GNS: variants seen among roughly 807,000 people sequenced by gnomAD.
The protein encoded by GNS is glucosamine (N-acetyl)-6-sulfatase, also known as N-acetylglucosamine-6-sulfatase.
Under a neutral mutation model 69.7 loss-of-function variants are expected in GNS, and 40 were observed. The observed-to-expected ratio is 0.57, with a 90% CI of 0.45 to 0.75. The LOEUF (loss-of-function observed/expected upper bound fraction) is 0.75. Among genes scored for constraint, GNS ranks in the 30% least tolerant of loss-of-function variants. The pLI, the probability that GNS is intolerant of heterozygous loss-of-function variation, is 0.00. For missense variants in GNS, 565 were observed against 685.5 expected (o/e 0.82, Z 1.96); for synonymous variants, 243 against 251.6 (o/e 0.97, Z 0.32).
chr12:64,744,323 C>T (rs1293325147), intron 5 of GNS, among the ~76,000 whole-genome samples: 1 of 152,174 alleles, frequency 6.6e-6, no homozygotes. Context: ...ATATATAATA[C>T]TATTGAAGAC....
intron 11 of GNS, chr12:64,722,715 A>C (rs994567272): frequency 2.0e-4 from 77 of 384,712 alleles, no homozygotes; most frequent in Non-Finnish European, 3.6e-4. Context: ...AAAAAATGGT[A>C]CTGTTATTGG....
Position 64,716,502 on chromosome 12 carries a change from G to A in GNS, c.*239C>T, listed in dbSNP as rs1868861807. 1 of 570,968 alleles carries A rather than the reference G, an allele frequency of 1.8e-6. No individual in the cohort carries two copies. The highest frequency in any genetic ancestry group is 3.1e-5 in the East Asian group (1 of 32,188). 35.4% of individuals were successfully genotyped at this position (570,968 alleles called of 1,614,324 possible). On this transcript the variant is annotated 3_prime_UTR_variant, in exon 14 of 14. Transcript: ENST00000258145. ...CAGTGAGAACAAAGACCTCAGGAGT[G>A]TCCTTGTCAGCTAAAGGAAGAGACC...
rs149081532 is a variant in GNS, at chr12:64,739,228, T to C, written c.994+153A>G. On this transcript the variant is annotated intron_variant, in intron 8 of 13. Transcript: ENST00000258145. Reference sequence around the variant, plus strand: ...CTGGTTTCTCCACGTGGGTATGATGTGGTGCTCCAACTGGAGGGGTCCTGA... The same window carrying C: ...CTGGTTTCTCCACGTGGGTATGATGCGGTGCTCCAACTGGAGGGGTCCTGA... Among the ~76,000 whole-genome samples, 588 of 152,250 alleles carry C rather than the reference T, an allele frequency of 3.9e-3. 1 individual carries two copies. The highest frequency in any genetic ancestry group is 0.014 in the African/African-American group (564 of 41,554).
chr12:64,732,153 A>ATTTTTTTTTTTTTT lies in GNS; in HGVS notation c.1099-3097_1099-3096insAAAAAAAAAAAAAA, dbSNP rs1210247666. On this transcript the variant is annotated intron_variant, in intron 9 of 13. Coordinates refer to ENST00000258145, the MANE Select transcript of GNS (RefSeq NM_002076.4). ...AGGCACCTGCCACCACACCTGGCTA[A>ATTTTTTTTTTTTTT]TTTTTTTTTTTTGTTGTTTTTTTTT... Among the ~76,000 whole-genome samples the ATTTTTTTTTTTTTT allele has an allele frequency of 1.9e-3, 170 of 88,712 alleles. 43 individuals carry two copies. Among genetic ancestry groups the ATTTTTTTTTTTTTT allele is most frequent in the Non-Finnish European group, 2.8e-3 (134 of 48,518 alleles). 58.2% of individuals were successfully genotyped at this position (88,712 alleles called of 152,430 possible).
At chr12:64,755,526 C>T (rs1406156920) in intron 1 of GNS, among the ~76,000 whole-genome samples, 2 of 147,086 alleles carry the variant, frequency 1.4e-5, no homozygotes, top group Admixed American at 6.8e-5. Context: ...TGCAGTGGGC[C>T]GAGATCGCGC....
Position 64,759,111 on chromosome 12 carries a change from C to T in GNS, c.166G>A (p.Asp56Asn). 6.4e-7 allele frequency: 1 copy of T among 1,564,252 alleles called. No homozygotes were observed. The highest frequency in any genetic ancestry group is 8.7e-7 in the Non-Finnish European group (1 of 1,154,470). ...RPNVVLLLTD[D>N]QDEVLGGMTP... is the part of the protein sequence containing the mutation. ...ATGCCGCCGAGCACTTCGTCCTGGTCGTCCGTGAGGAGCAGCACCACGTTG... is the reference window on the plus strand; with the variant it reads ...ATGCCGCCGAGCACTTCGTCCTGGTTGTCCGTGAGGAGCAGCACCACGTTG... Residue 56 changes from aspartate to asparagine, a missense_variant, in exon 1 of 14, where the codon GAC becomes AAC. By Grantham distance (23) the Asp-to-Asn change is conservative (BLOSUM62 1). Around this residue, in one of 2 missense-constraint regions of GNS, gnomAD observed 181 missense variants for 174.4 expected, o/e 1.04. Coordinates refer to ENST00000258145, the MANE Select transcript of GNS (RefSeq NM_002076.4).
intron 6 of GNS, among the ~76,000 whole-genome samples, chr12:64,742,370 A>G (rs573312525): frequency 6.6e-6 from 1 of 152,344 alleles, no homozygotes; most frequent in African/African-American, 2.4e-5. Context: ...TGTATTTAAC[A>G]AGCACATGCC....
At chr12:64,737,134 A>C (rs1215054914) in intron 8 of GNS, 27 bp from the exon 9 acceptor site, 1 of 1,163,398 alleles carries the variant, frequency 8.6e-7, no homozygotes, top group Non-Finnish European at 1.3e-6. Flanking sequence ...CAATGTAAAG[A>C]TGGAGCCAAG....
At position 64,715,181 on chromosome 12, in the gene GNS, A is replaced by T. The variant is rs1218432235; in HGVS notation, c.*1560T>A. On this transcript the variant is annotated 3_prime_UTR_variant, in exon 14 of 14. Transcript: ENST00000258145. ...ACCAATTAGCCTTCTTGTGAGGACA[A>T]CATTAGAAATGGAACTGGTTTTTGA... The T allele has an allele frequency of 6.6e-6, 1 of 152,524 alleles. No homozygotes were observed. Among genetic ancestry groups the T allele is most frequent in the African/African-American group, 2.4e-5 (1 of 41,438 alleles). 9.4% of individuals were successfully genotyped at this position (152,524 alleles called of 1,614,324 possible). A position where few individuals can be genotyped will look rare whatever the true frequency, so the allele number is the denominator to read the frequency against.
chr12:64,752,788 A>G, intron 1 of GNS, 31 bp from the exon 2 acceptor site: 1 of 1,068,708 alleles, frequency 9.4e-7, no homozygotes, highest in South Asian at 1.3e-5. Flanking sequence ...CCATTAAACA[A>G]TTTCTTCCAA....
At chr12:64,721,199 C>T (rs978707960) in intron 12 of GNS, among the ~76,000 whole-genome samples, 1 of 152,180 alleles carries the variant, frequency 6.6e-6, no homozygotes, top group African/African-American at 2.4e-5. Flanking sequence ...CCTCTGACCC[C>T]CACTCTAATC....
chr12:64,740,077 T>C (rs1218919554), intron 7 of GNS, among the ~76,000 whole-genome samples: 1 of 152,248 alleles, frequency 6.6e-6, no homozygotes, highest in Admixed American at 6.5e-5. Context: ...AGCTGAGTAG[T>C]TGTGACAGAA....
chr12:64,752,831 T>G, intron 1 of GNS, 74 bp from the exon 2 acceptor site: 1 of 785,420 alleles, frequency 1.3e-6, no homozygotes. Flanking sequence ...AATTCCTGTT[T>G]TGTTACATCT....
chr12:64,734,288 G>A (rs1483268960), intron 9 of GNS, among the ~76,000 whole-genome samples: 1 of 152,136 alleles, frequency 6.6e-6, no homozygotes, highest in East Asian at 1.9e-4. Flanking sequence ...GTATGTTAGG[G>A]GCTGGATATT....
chr12:64,732,157 T>TTTTTG (rs1869415982), intron 9 of GNS, among the ~76,000 whole-genome samples: 1 of 97,478 alleles, frequency 1.0e-5, no homozygotes, highest in Non-Finnish European at 2.0e-5. Context: ...TGGCTAATTT[T>TTTTTG]TTTTTTTTGT....
chr12:64,739,563 C>CAAAA, intron 7 of GNS, 64 bp from the exon 8 acceptor site: 1 of 378,990 alleles, frequency 2.6e-6, no homozygotes, highest in Non-Finnish European at 4.4e-6. Flanking sequence ...CACTATCTTG[C>CAAAA]CAAAAAAAAA....
Position 64,739,859 on chromosome 12 carries a change from G to A in GNS, c.876-360C>T, listed in dbSNP as rs57624478. On this transcript the variant is annotated intron_variant, in intron 7 of 13. Coordinates refer to ENST00000258145, the MANE Select transcript of GNS (RefSeq NM_002076.4). ...AGAGTAGAGACAATCGGAAGGAAGA[G>A]TTGTCCATTCTCAGTACTGTGTATT... Among the ~76,000 whole-genome samples, 15 of 152,352 alleles carry A rather than the reference G, an allele frequency of 9.8e-5. No individual in the cohort carries two copies. In the East Asian group the frequency reaches 2.5e-3, roughly 25 times the overall value.
At chr12:64,740,734 C>A in intron 6 of GNS, 46 bp from the exon 7 acceptor site, 1 of 874,334 alleles carries the variant, frequency 1.1e-6, no homozygotes, top group South Asian at 1.3e-5. Flanking sequence ...TCACCACAGT[C>A]AAACAAACTA....
At chr12:64,744,742 G>A (rs1869846947) in intron 5 of GNS, 67 bp downstream of exon 5, 1 of 805,980 alleles carries the variant, frequency 1.2e-6, no homozygotes, top group Non-Finnish European at 2.3e-6. Flanking sequence ...AGGTTTTCTA[G>A]GCAGAGTCTT....
Sources: allele counts gnomAD v4.1 joint callset (sites outside exome capture counted in the v4.1 genomes callset), GRCh38; gene constraint gnomAD v4.1.1; regional missense constraint gnomAD v4.1.1; transcripts MANE v1.5; gene names NCBI Gene and HGNC (gene_info 2026-07-23, HGNC 2026-07-21).